CAMK1D: variants seen among roughly 807,000 people sequenced by gnomAD.
CAMK1D encodes calcium/calmodulin-dependent protein kinase type 1D.
CAMK1D carries 9 observed loss-of-function variants against 47.7 expected under a neutral mutation model. The observed-to-expected ratio is 0.19, with a 90% CI of 0.11 to 0.33. The LOEUF (loss-of-function observed/expected upper bound fraction) is 0.33, where lower values mean the gene tolerates loss of function less well. Ranked by LOEUF, CAMK1D falls within the 10% of genes least tolerant of loss-of-function variation. CAMK1D has a pLI of 1.00. For synonymous variants in CAMK1D, 184 were observed against 184.9 expected, an observed-to-expected ratio of 0.99 and a Z score of 0.04; for missense variants, 291 against 488.7, an observed-to-expected ratio of 0.60 and a Z score of 3.81.
chr10:12,780,539 G>A (rs1039095962), intron 5 of CAMK1D, among the ~76,000 whole-genome samples: 1 of 152,092 alleles, frequency 6.6e-6, no homozygotes, highest in African/African-American at 2.4e-5. Flanking sequence ...CAAGAAGAAG[G>A]ATTCAGTCAA....
At chr10:12,669,051 G>C (rs1253834014) in intron 3 of CAMK1D, among the ~76,000 whole-genome samples, 1 of 152,138 alleles carries the variant, frequency 6.6e-6, no homozygotes, top group Non-Finnish European at 1.5e-5. Flanking sequence ...GGCCAACATG[G>C]TGAAACCCCA....
intron 1 of CAMK1D, among the ~76,000 whole-genome samples, chr10:12,537,365 C>G (rs544429988): frequency 6.6e-6 from 1 of 152,206 alleles, no homozygotes; most frequent in Non-Finnish European, 1.5e-5. Flanking sequence ...AACCACCGCA[C>G]CCAGCCTAAT....
At chr10:12,498,700 G>A (rs1004631599) in intron 1 of CAMK1D, among the ~76,000 whole-genome samples, 1 of 152,142 alleles carries the variant, frequency 6.6e-6, no homozygotes, top group Non-Finnish European at 1.5e-5. Flanking sequence ...GTTGTGGGGA[G>A]TGACGGGGAA....
intron 3 of CAMK1D, among the ~76,000 whole-genome samples, chr10:12,743,204 G>A (rs996562613): frequency 1.4e-4 from 22 of 151,884 alleles, no homozygotes; most frequent in East Asian, 1.4e-3. Context: ...AAAATTAGCC[G>A]GGCATGGTGG....
intron 1 of CAMK1D, among the ~76,000 whole-genome samples, chr10:12,375,242 C>T (rs1288522016): frequency 6.6e-6 from 1 of 152,146 alleles, no homozygotes; most frequent in African/African-American, 2.4e-5. Flanking sequence ...TTATTTGGTT[C>T]TGTTTTAAAA....
intron 2 of CAMK1D, among the ~76,000 whole-genome samples, chr10:12,631,666 A>G (rs1839381923): frequency 6.7e-6 from 1 of 150,364 alleles, no homozygotes; most frequent in East Asian, 1.9e-4. Flanking sequence ...TTGCTGAGAG[A>G]TCACTTGTTC....
chr10:12,687,482 C>T (rs768433729), intron 3 of CAMK1D, among the ~76,000 whole-genome samples: 35 of 152,258 alleles, frequency 2.3e-4, no homozygotes, highest in Non-Finnish European at 3.7e-4. Context: ...TGACGAGCTC[C>T]TAATTTTGTT....
intron 3 of CAMK1D, among the ~76,000 whole-genome samples, chr10:12,702,479 C>T (rs894856103): frequency 6.6e-6 from 1 of 152,142 alleles, no homozygotes; most frequent in African/African-American, 2.4e-5. Context: ...CAAAGACACT[C>T]GATAAAGGCA....
chr10:12,682,746 A>G (rs908533012), intron 3 of CAMK1D, among the ~76,000 whole-genome samples: 1 of 152,202 alleles, frequency 6.6e-6, no homozygotes, highest in Non-Finnish European at 1.5e-5. Context: ...TGAATTTCCC[A>G]GATACGGGTT....
At chr10:12,676,727 A>G (rs117421658) in intron 3 of CAMK1D, among the ~76,000 whole-genome samples, 1,956 of 152,266 alleles carry the variant, frequency 0.013, 40 homozygotes, top group South Asian at 0.11. Context: ...TTTTCTAGGA[A>G]AAAAAGAACT....
At chr10:12,442,991 C>G (rs919179749) in intron 1 of CAMK1D, among the ~76,000 whole-genome samples, 1 of 152,176 alleles carries the variant, frequency 6.6e-6, no homozygotes, top group African/African-American at 2.4e-5. Flanking sequence ...TTCTACTTCT[C>G]TTCTCTCACT....
At chr10:12,651,944 A>G (rs1408004700) in intron 2 of CAMK1D, among the ~76,000 whole-genome samples, 1 of 151,302 alleles carries the variant, frequency 6.6e-6, no homozygotes, top group Non-Finnish European at 1.5e-5. Context: ...ACGCCCCGCT[A>G]ATTTTTTTGT....
intron 7 of CAMK1D, 85 bp from the exon 8 acceptor site, chr10:12,816,165 G>A (rs868394862): frequency 1.4e-5 from 14 of 1,035,076 alleles, no homozygotes; most frequent in Middle Eastern, 2.1e-4. Context: ...TGCTACACAC[G>A]CTCCTCCTGA....
intron 2 of CAMK1D, among the ~76,000 whole-genome samples, chr10:12,658,804 G>A (rs1034868206): frequency 6.6e-6 from 1 of 151,908 alleles, no homozygotes; most frequent in African/African-American, 2.4e-5. Flanking sequence ...TCCCCTTCTG[G>A]CCTCCCCTTC....
intron 3 of CAMK1D, among the ~76,000 whole-genome samples, chr10:12,715,813 C>T (rs551357631): frequency 4.9e-4 from 74 of 150,434 alleles, no homozygotes; most frequent in African/African-American, 1.7e-3. Flanking sequence ...CTCCGCCTCC[C>T]GGGTTCAAGC....
At chr10:12,798,002 C>T (rs1838267408) in intron 6 of CAMK1D, among the ~76,000 whole-genome samples, 1 of 152,130 alleles carries the variant, frequency 6.6e-6, no homozygotes, top group Admixed American at 6.5e-5. Context: ...AGGGGAGCAA[C>T]TCCCTGCCGG....
At chr10:12,434,937 G>T (rs534259251) in intron 1 of CAMK1D, among the ~76,000 whole-genome samples, 2 of 152,106 alleles carry the variant, frequency 1.3e-5, no homozygotes, top group African/African-American at 4.8e-5. Context: ...GGGAGGGAAG[G>T]CTGGGCGCAG....
intron 2 of CAMK1D, among the ~76,000 whole-genome samples, chr10:12,664,989 ATTC>A (rs1359393750): frequency 6.6e-6 from 1 of 152,236 alleles, no homozygotes; most frequent in African/African-American, 2.4e-5. Flanking sequence ...TTGTGGGCAT[ATTC>A]TTTTAGGTAG....
intron 2 of CAMK1D, among the ~76,000 whole-genome samples, chr10:12,650,239 T>C (rs550758930): frequency 6.6e-6 from 1 of 152,306 alleles, no homozygotes; most frequent in East Asian, 1.9e-4. Flanking sequence ...TTTGCCTTCC[T>C]GTGCAGGGCT....
Sources: allele counts gnomAD v4.1 joint callset (sites outside exome capture counted in the v4.1 genomes callset), GRCh38; gene constraint gnomAD v4.1.1; transcripts MANE v1.5; gene names NCBI Gene and HGNC (gene_info 2026-07-23, HGNC 2026-07-21).